GTF2A1: variants seen among roughly 807,000 people sequenced by gnomAD.
GTF2A1 encodes the protein general transcription factor IIA subunit 1.
Under a neutral mutation model 54.1 loss-of-function variants are expected in GTF2A1, and 12 were observed. The ratio of observed to expected loss-of-function variants is 0.22; its 90% CI spans 0.14 to 0.36. The LOEUF (loss-of-function observed/expected upper bound fraction) is 0.36. Ranked by LOEUF, GTF2A1 falls within the 10% of genes least tolerant of loss-of-function variation. The probability of loss-of-function intolerance (pLI) is 1.00; values close to 1 mark genes in which losing one functional copy is unlikely to be tolerated. For missense variants in GTF2A1, 335 were observed against 442.2 expected, an observed-to-expected ratio of 0.76 and a Z score of 2.17; for synonymous variants, 145 against 152.0, an observed-to-expected ratio of 0.95 and a Z score of 0.34.
intron 7 of GTF2A1, among the ~76,000 whole-genome samples, chr14:81,186,530 G>T (rs796875732): frequency 6.6e-6 from 1 of 152,138 alleles, no homozygotes; most frequent in African/African-American, 2.4e-5. Flanking sequence ...AACCTAACTA[G>T]AGCATAAAAT....
intron 4 of GTF2A1, among the ~76,000 whole-genome samples, chr14:81,200,806 A>G (rs906764589): frequency 2.3e-4 from 34 of 150,758 alleles, no homozygotes; most frequent in African/African-American, 8.0e-4. Context: ...CAGTCTGTAT[A>G]TTTTAAACAG....
At chr14:81,206,912 A>C (rs1337365480) in intron 2 of GTF2A1, among the ~76,000 whole-genome samples, 1 of 152,208 alleles carries the variant, frequency 6.6e-6, no homozygotes, top group Non-Finnish European at 1.5e-5. Context: ...ACACTGAGAA[A>C]AAACTTTTGC....
chr14:81,220,196 G>T (rs1442198280), intron 1 of GTF2A1, among the ~76,000 whole-genome samples: 1 of 146,142 alleles, frequency 6.8e-6, no homozygotes, highest in South Asian at 2.2e-4. Context: ...TCTGGGGCCG[G>T]GGCTGCGCGC....
intron 2 of GTF2A1, among the ~76,000 whole-genome samples, chr14:81,211,433 AAGGGCT>A (rs1893361495): frequency 6.6e-6 from 1 of 152,190 alleles, no homozygotes; most frequent in African/African-American, 2.4e-5. Flanking sequence ...ATAGAGGCAA[AAGGGCT>A]AGGTTCATGG....
intron 6 of GTF2A1, among the ~76,000 whole-genome samples, chr14:81,195,714 G>A (rs1892978639): frequency 6.6e-6 from 1 of 151,378 alleles, no homozygotes; most frequent in African/African-American, 2.4e-5. Flanking sequence ...GTAAGGAAAA[G>A]GGAGGATTCT....
intron 2 of GTF2A1, among the ~76,000 whole-genome samples, chr14:81,211,220 CTCTGCAT>C (rs1024008677): frequency 1.3e-5 from 2 of 152,148 alleles, no homozygotes; most frequent in African/African-American, 4.8e-5. Context: ...GAGTGAATGT[CTCTGCAT>C]TCTGTACCCC....
At chr14:81,189,748 A>C (rs184648796) in intron 7 of GTF2A1, among the ~76,000 whole-genome samples, 16 of 152,246 alleles carry the variant, frequency 1.1e-4, no homozygotes, top group Non-Finnish European at 2.2e-4. Context: ...TGACAATATA[A>C]ATCTAACAGA....
chr14:81,194,287 G>A (rs920477367), intron 6 of GTF2A1, among the ~76,000 whole-genome samples: 1 of 152,172 alleles, frequency 6.6e-6, no homozygotes, highest in Non-Finnish European at 1.5e-5. Context: ...GTTTCACCCC[G>A]AAACCATCCC....
chr14:81,180,841 C>G (rs541653033), intron 8 of GTF2A1, among the ~76,000 whole-genome samples: 100 of 152,332 alleles, frequency 6.6e-4, no homozygotes, highest in African/African-American at 2.4e-3. Flanking sequence ...CTATCCTCCA[C>G]AAAGCTTTCC....
intron 2 of GTF2A1, among the ~76,000 whole-genome samples, chr14:81,214,673 T>C (rs1893448248): frequency 6.6e-6 from 1 of 151,788 alleles, no homozygotes; most frequent in Non-Finnish European, 1.5e-5. Flanking sequence ...ACTGAGACCC[T>C]CAAAGAGCTT....
rs548964963 is a variant in GTF2A1, at chr14:81,180,176, C to T, written c.*47G>A. 4.6e-5 allele frequency: 37 copies of T among 812,970 alleles called. 1 individual carries two copies. In the South Asian group the frequency reaches 6.0e-4, roughly 13 times the overall value. The allele number at this position is 812,970 out of a possible 1,614,324, so 50.4% of individuals were successfully genotyped here. On this transcript the variant is annotated 3_prime_UTR_variant, in exon 9 of 9. Transcript: ENST00000553612. The stretch of plus-strand genomic sequence containing the variant: ...CCCAAGTTTCAAACTGTCCGCTTTA[C>T]ATTTTTTTTAAGTTTCTTTTATTTA...
intron 5 of GTF2A1, 200 bp downstream of exon 5, chr14:81,197,209 T>C (rs1893010869): frequency 2.1e-6 from 1 of 469,490 alleles, no homozygotes. Flanking sequence ...CAAGTACAAT[T>C]TTCATCTTCT....
At chr14:81,182,613 CTAAA>C (rs1293522087) in intron 8 of GTF2A1, among the ~76,000 whole-genome samples, 1 of 152,092 alleles carries the variant, frequency 6.6e-6, no homozygotes, top group East Asian at 1.9e-4. Flanking sequence ...TAATATCCCC[CTAAA>C]TAGTCTCGTT....
intron 4 of GTF2A1, among the ~76,000 whole-genome samples, 186 bp from the exon 5 acceptor site, chr14:81,197,670 T>C (rs1215997327): frequency 6.6e-6 from 1 of 152,194 alleles, no homozygotes; most frequent in Non-Finnish European, 1.5e-5. Flanking sequence ...ACCTACTAAA[T>C]TATTTTAAGC....
At chr14:81,180,836 C>G (rs1331448510) in intron 8 of GTF2A1, among the ~76,000 whole-genome samples, 1 of 152,154 alleles carries the variant, frequency 6.6e-6, no homozygotes, top group East Asian at 1.9e-4. Context: ...AAAGACTATC[C>G]TCCACAAAGC....
chr14:81,185,182 A>G (rs1476444135), intron 8 of GTF2A1, among the ~76,000 whole-genome samples: 1 of 152,186 alleles, frequency 6.6e-6, no homozygotes, highest in Non-Finnish European at 1.5e-5. Context: ...GAGATAGTTG[A>G]GGCTAAATAG....
In GTF2A1 at chr14:81,200,896, A is replaced by AC. The variant is rs561549390; in HGVS notation, c.402+697_402+698insG. ...TTTAATGTTTTATCCAAAAAAAAAAAAAAAACAAAAAACAACTTCAAGGAT... is the reference window on the plus strand; with the variant it reads ...TTTAATGTTTTATCCAAAAAAAAAAACAAAAACAAAAAACAACTTCAAGGAT... On this transcript the variant is annotated intron_variant, in intron 4 of 8. Coordinates refer to ENST00000553612, the MANE Select transcript of GTF2A1 (RefSeq NM_015859.4). 5.9e-5 allele frequency among the ~76,000 whole-genome samples: 9 copies of AC among 151,364 alleles called. No homozygotes were observed. In the South Asian group the frequency reaches 8.3e-4, roughly 14 times the overall value.
chr14:81,196,165 T>C lies in GTF2A1; in HGVS notation c.555A>G (p.Gln185=). ...IFQPQQSVVL[Q]QQVIPQMQPG... ...GCTGCATTTGTGGTATAACCTGTTG[T>C]TGTAGAACCACTGACTGCTGAGGCT... Residue 185 remains glutamine (Q), a synonymous_variant, in exon 6 of 9, where the codon CAA becomes CAG. Coordinates refer to ENST00000553612, the MANE Select transcript of GTF2A1 (RefSeq NM_015859.4). The C allele has an allele frequency of 1.2e-6, 2 of 1,613,872 alleles. No individual in the cohort carries two copies. The highest frequency in any genetic ancestry group is 1.7e-5 in the Admixed American group (1 of 60,018).
chr14:81,189,424 C>A (rs907417337), intron 7 of GTF2A1, among the ~76,000 whole-genome samples: 4 of 152,134 alleles, frequency 2.6e-5, no homozygotes, highest in African/African-American at 9.7e-5. Flanking sequence ...ATAATCCCAG[C>A]ACTTTGGGAG....
Sources: allele counts gnomAD v4.1 joint callset (sites outside exome capture counted in the v4.1 genomes callset), GRCh38; gene constraint gnomAD v4.1.1; transcripts MANE v1.5; gene names NCBI Gene and HGNC (gene_info 2026-07-23, HGNC 2026-07-21).